Variants in VPS13A observed in about 807,000 individuals in gnomAD.
The protein encoded by VPS13A is vacuolar protein sorting 13 homolog A.
Under a neutral mutation model 390.9 loss-of-function variants are expected in VPS13A, and 264 were observed. The observed-to-expected ratio is 0.68, with a 90% CI of 0.61 to 0.75. The LOEUF is 0.75. Among genes scored for constraint, VPS13A ranks in the 30% least tolerant of loss-of-function variants. VPS13A has a pLI of 0.00. For synonymous variants in VPS13A, 1,231 were observed against 1,227.1 expected, an observed-to-expected ratio of 1.00 and a Z score of -0.07; for missense variants, 3,409 against 3,733.9, an observed-to-expected ratio of 0.91 and a Z score of 2.27.
intron 35 of VPS13A, among the ~76,000 whole-genome samples, chr9:77,312,482 A>G (rs1416904855): frequency 1.3e-5 from 2 of 150,522 alleles, no homozygotes; most frequent in Admixed American, 1.3e-4. Context: ...GCTGGAGTGC[A>G]GTGGTGTGGT....
rs774133626 is a variant in VPS13A, at chr9:77,250,194, A to G, written c.2135A>G (p.Gln712Arg). 26 of 1,613,742 alleles carry G rather than the reference A, an allele frequency of 1.6e-5. No individual in the cohort carries two copies. The stretch of plus-strand genomic sequence containing the variant: ...AGAGCTTATGATTCATTTGATATTC[A>G]ACTTACAAGTGTACAGCTGCTTTAC... ...MDRAYDSFDIQLTSVQLLYSR... is the reference protein window; with the variant it reads ...MDRAYDSFDIRLTSVQLLYSR... Residue 712 changes from glutamine (Q) to arginine (R), a missense_variant, in exon 21 of 72, where the codon CAA (glutamine) becomes CGA (arginine). Transcript: ENST00000360280.
chr9:77,189,251 A>G (rs1241073096), intron 1 of VPS13A, among the ~76,000 whole-genome samples: 1 of 150,430 alleles, frequency 6.6e-6, no homozygotes, highest in African/African-American at 2.5e-5. Context: ...TAGGTTTTAC[A>G]TTTAAGTCTT....
At chr9:77,368,442 A>G (rs1832562032) in intron 62 of VPS13A, among the ~76,000 whole-genome samples, 1 of 152,268 alleles carries the variant, frequency 6.6e-6, no homozygotes, top group African/African-American at 2.4e-5. Flanking sequence ...GTTCATGGAA[A>G]CTATTAGTAA....
intron 19 of VPS13A, among the ~76,000 whole-genome samples, chr9:77,240,338 C>T (rs926243338): frequency 9.9e-5 from 15 of 151,552 alleles, no homozygotes; most frequent in East Asian, 1.9e-4. Context: ...CTATCCTCCT[C>T]GACCTCCCAA....
intron 34 of VPS13A, among the ~76,000 whole-genome samples, chr9:77,303,583 C>A (rs927098009): frequency 6.6e-6 from 1 of 152,126 alleles, no homozygotes; most frequent in Non-Finnish European, 1.5e-5. Context: ...GCACCGGCCT[C>A]TGAGTTCCGT....
At chr9:77,259,676 A>T (rs1257167963) in intron 22 of VPS13A, among the ~76,000 whole-genome samples, 1 of 152,180 alleles carries the variant, frequency 6.6e-6, no homozygotes, top group Non-Finnish European at 1.5e-5. Flanking sequence ...GGCTATTTGC[A>T]CTGCCAAACC....
intron 48 of VPS13A, 70 bp from the exon 49 acceptor site, chr9:77,340,108 A>C (rs1830733888): frequency 6.9e-7 from 1 of 1,459,078 alleles, no homozygotes; most frequent in Non-Finnish European, 9.6e-7. Context: ...CTAAAAAGTA[A>C]TTTATCAGTT....
At chr9:77,266,888 C>G (rs1425448304) in intron 23 of VPS13A, among the ~76,000 whole-genome samples, 1 of 151,966 alleles carries the variant, frequency 6.6e-6, no homozygotes, top group Non-Finnish European at 1.5e-5. Flanking sequence ...CTAATCTTGT[C>G]TTCATGCTTT....
At chr9:77,253,936 CTTTTTTTTTTTTT>C (rs1172781069) in intron 22 of VPS13A, among the ~76,000 whole-genome samples, 6 of 55,062 alleles carry the variant, frequency 1.1e-4, no homozygotes, top group African/African-American at 2.1e-4. Flanking sequence ...GGCCTTTATT[CTTTTTTTTTTTTT>C]TTTTTTTTTT....
rs151129933 is a variant in VPS13A at position 77,308,001 on chromosome 9, A to G, written c.4017A>G (p.Ile1339Met). 346 of 1,606,468 alleles carry G rather than the reference A, an allele frequency of 2.2e-4. No homozygotes were observed. Among genetic ancestry groups the G allele is most frequent in the Non-Finnish European group, 2.8e-4 (328 of 1,173,202 alleles). ...TTIFKTLHGN[I>M]WYEKDGSASP... Reference sequence around the variant, plus strand: ...TTTTTAAAACATTGCATGGCAATATATGGTATGAAAAAGATGGTAGTGCCT... The same window carrying G: ...TTTTTAAAACATTGCATGGCAATATGTGGTATGAAAAAGATGGTAGTGCCT... Residue 1339 changes from isoleucine to methionine, a missense_variant, in exon 35 of 72, where the codon ATA becomes ATG. This residue lies in a region of VPS13A where 2,717 missense variants were observed against 2,917.4 expected (regional missense o/e 0.93). Transcript: ENST00000360280.
chr9:77,315,270 T>C lies in VPS13A; in HGVS notation c.4430T>C (p.Val1477Ala), dbSNP rs1300017246. ...TTTTCCAGAATGATAGGACTGACAG[T>C]TGGTTTTGACAAAAAAGACATGATG... Reference protein sequence around the residue: ...KATPRMIGLTVGFDKKDMMDI... With the variant: ...KATPRMIGLTAGFDKKDMMDI... The change falls in exon 38 of 72, where the codon GTT becomes GCT. Residue 1477 changes from valine (V) to alanine (A), a missense_variant. Val to Ala is a moderately conservative substitution (Grantham distance 64). Around this residue, in one of 5 missense-constraint regions of VPS13A, gnomAD observed 2,717 missense variants for 2,917.4 expected, o/e 0.93. Transcript: ENST00000360280. The C allele has an allele frequency of 1.2e-6, 2 of 1,613,870 alleles. No individual in the cohort carries two copies. Among genetic ancestry groups the C allele is most frequent in the Admixed American group, 1.7e-5 (1 of 60,006 alleles).
At chr9:77,338,291 A>G (rs968347544) in intron 47 of VPS13A, 1 of 152,172 alleles carries the variant, frequency 6.6e-6, no homozygotes, top group South Asian at 2.1e-4. Flanking sequence ...TTTCTGATAC[A>G]TGTCTCTTTT....
chr9:77,366,128 A>G (rs1280528265), intron 60 of VPS13A, among the ~76,000 whole-genome samples: 1 of 152,138 alleles, frequency 6.6e-6, no homozygotes, highest in African/African-American at 2.4e-5. Flanking sequence ...ATCTCAGTAA[A>G]GCCATCATGA....
At chr9:77,336,145 T>A (rs1438973181) in intron 46 of VPS13A, among the ~76,000 whole-genome samples, 1 of 151,320 alleles carries the variant, frequency 6.6e-6, no homozygotes, top group East Asian at 1.9e-4. Context: ...TAAGTGGGAG[T>A]TGAACAAGGA....
At chr9:77,194,397 T>C (rs1372026769) in intron 1 of VPS13A, among the ~76,000 whole-genome samples, 1 of 151,920 alleles carries the variant, frequency 6.6e-6, no homozygotes, top group African/African-American at 2.4e-5. Flanking sequence ...CCCTGTGCCA[T>C]GGGCAAGATA....
intron 70 of VPS13A, 41 bp from the exon 71 acceptor site, chr9:77,407,492 C>A (rs1183403739): frequency 1.3e-6 from 2 of 1,523,858 alleles, no homozygotes; most frequent in East Asian, 2.3e-5. Flanking sequence ...ATTTTTACAA[C>A]CAGATTATCT....
chr9:77,337,842 CTGT>C (rs1279712259), intron 47 of VPS13A: 46 of 238,462 alleles, frequency 1.9e-4, no homozygotes, highest in East Asian at 1.1e-3. Flanking sequence ...TGGTTTCTTC[CTGT>C]TGTTATAGGA....
At chr9:77,343,679 C>T (rs898540364) in intron 50 of VPS13A, among the ~76,000 whole-genome samples, 2 of 152,148 alleles carry the variant, frequency 1.3e-5, no homozygotes, top group African/African-American at 4.8e-5. Context: ...ACTACTTTTA[C>T]TTTTTTACCC....
At chr9:77,238,943 C>T (rs767308228) in intron 19 of VPS13A, among the ~76,000 whole-genome samples, 4 of 151,996 alleles carry the variant, frequency 2.6e-5, no homozygotes, top group African/African-American at 9.7e-5. Flanking sequence ...TGTTTTCTAG[C>T]TCAATGTATG....
Sources: allele counts gnomAD v4.1 joint callset (sites outside exome capture counted in the v4.1 genomes callset), GRCh38; gene constraint gnomAD v4.1.1; regional missense constraint gnomAD v4.1.1; transcripts MANE v1.5; gene names NCBI Gene and HGNC (gene_info 2026-07-23, HGNC 2026-07-21).